NIPSNAP1: variants seen among roughly 807,000 people sequenced by gnomAD.
NIPSNAP1 encodes the protein protein NipSnap homolog 1.
A neutral mutation model predicts 49.2 loss-of-function variants in NIPSNAP1; 25 were observed. That is an observed-to-expected ratio of 0.51 (90% CI 0.37 to 0.71). The LOEUF is 0.71. NIPSNAP1 is among the 30% of genes least tolerant of loss of function. NIPSNAP1 has a pLI of 0.00. For missense variants in NIPSNAP1, 294 were observed against 361.0 expected (o/e 0.81, Z 1.50); for synonymous variants, 143 against 140.7 (o/e 1.02, Z -0.12).
At chr22:29,569,509 G>C (rs2064391558) in intron 3 of NIPSNAP1, among the ~76,000 whole-genome samples, 1 of 152,010 alleles carries the variant, frequency 6.6e-6, no homozygotes, top group Non-Finnish European at 1.5e-5. Flanking sequence ...GGGAGGCTGA[G>C]GCAGGAGGAT....
chr22:29,579,791 G>T, intron 1 of NIPSNAP1: 1 of 291,210 alleles, frequency 3.4e-6, no homozygotes, highest in South Asian at 3.4e-5. Flanking sequence ...CCATTTTACA[G>T]ATGAGGAACC....
At chr22:29,575,053 T>C (rs2064441537) in intron 1 of NIPSNAP1, among the ~76,000 whole-genome samples, 1 of 152,152 alleles carries the variant, frequency 6.6e-6, no homozygotes, top group South Asian at 2.1e-4. Context: ...CAGCGCTCTT[T>C]CCTTGAAAGC....
intron 4 of NIPSNAP1, among the ~76,000 whole-genome samples, chr22:29,563,829 G>A (rs2064352486): frequency 6.6e-6 from 1 of 152,172 alleles, no homozygotes; most frequent in Non-Finnish European, 1.5e-5. Flanking sequence ...AAGTCTACAA[G>A]CCAAGGAACA....
intron 4 of NIPSNAP1, among the ~76,000 whole-genome samples, chr22:29,562,711 G>A (rs2064344259): frequency 6.6e-6 from 1 of 152,110 alleles, no homozygotes; most frequent in Non-Finnish European, 1.5e-5. Flanking sequence ...GAGATTGACA[G>A]TAGATGCCCC....
At chr22:29,570,970 A>T (rs2064403830) in intron 1 of NIPSNAP1, among the ~76,000 whole-genome samples, 1 of 151,084 alleles carries the variant, frequency 6.6e-6, no homozygotes, top group East Asian at 2.0e-4. Context: ...TGTACACCTC[A>T]CTCTCCAGGT....
At chr22:29,574,958 G>A (rs6006194) in intron 1 of NIPSNAP1, among the ~76,000 whole-genome samples, 12 of 152,128 alleles carry the variant, frequency 7.9e-5, no homozygotes, top group African/African-American at 2.2e-4. Flanking sequence ...TCCCATTCTC[G>A]CGAGGATAAA....
At position 29,560,814 on chromosome 22, in the gene NIPSNAP1, T is replaced by C. The variant is rs781600107; in HGVS notation, c.626A>G (p.Lys209Arg). The C allele has an allele frequency of 3.7e-6, 6 of 1,613,974 alleles. No individual in the cohort carries two copies. The Admixed American group carries it at 6.7e-5, about 18-fold the overall frequency. The change falls in exon 8 of 10, where the codon AAG (lysine) becomes AGG (arginine). Residue 209 changes from lysine to arginine, a missense_variant. Physicochemically the swap from Lys to Arg is conservative, Grantham distance 26 (BLOSUM62 2). Coordinates refer to ENST00000216121, the MANE Select transcript of NIPSNAP1 (RefSeq NM_003634.4). ...TGCCTCCTGGTTCTCCTGCCGGTACTTGATGGCCCGAGCCCTGGAGAAGGC... is the reference window on the plus strand; with the variant it reads ...TGCCTCCTGGTTCTCCTGCCGGTACCTGATGGCCCGAGCCCTGGAGAAGGC... ...EWGNNWARAIKYRQENQEAVG... is the reference protein window; with the variant it reads ...EWGNNWARAIRYRQENQEAVG...
At position 29,569,190 on chromosome 22, in the gene NIPSNAP1, T is replaced by G; in HGVS notation, c.367+3A>C. On this transcript the variant is annotated splice_donor_region_variant and intron_variant, in intron 4 of 9. Coordinates refer to ENST00000216121, the MANE Select transcript of NIPSNAP1 (RefSeq NM_003634.4). ...AATGGCACTAGGGAGGTGAGCGCCT[T>G]ACCTGCCTGGTCCTGCTCCCCATAC... is the stretch of plus-strand genomic sequence containing the variant. The G allele has an allele frequency of 6.2e-7, 1 of 1,613,658 alleles. No individual in the cohort carries two copies. Among genetic ancestry groups the G allele is most frequent in the South Asian group, 1.1e-5 (1 of 91,026 alleles).
chr22:29,563,565 ATAT>A (rs2064350679), intron 4 of NIPSNAP1, among the ~76,000 whole-genome samples: 1 of 152,130 alleles, frequency 6.6e-6, no homozygotes, highest in Non-Finnish European at 1.5e-5. Flanking sequence ...AATAAAAATC[ATAT>A]TATCTGCACT....
intron 1 of NIPSNAP1, among the ~76,000 whole-genome samples, chr22:29,579,167 G>C (rs2064477664): frequency 1.3e-5 from 2 of 150,910 alleles, no homozygotes; most frequent in East Asian, 3.9e-4. Flanking sequence ...CTGTCTCCCG[G>C]GTTCAATTGA....
intron 4 of NIPSNAP1, among the ~76,000 whole-genome samples, chr22:29,562,155 T>C (rs2064340583): frequency 6.6e-6 from 1 of 152,056 alleles, no homozygotes; most frequent in African/African-American, 2.4e-5. Context: ...CACCCCACCT[T>C]CCTTAAATAG....
intron 1 of NIPSNAP1, among the ~76,000 whole-genome samples, chr22:29,574,261 C>CAA (rs1158442759): frequency 0.045 from 1,650 of 36,484 alleles, 319 homozygotes; most frequent in Non-Finnish European, 0.054. Context: ...TCCATCTTCA[C>CAA]AAAAAAAAAA....
chr22:29,561,797 TG>T lies in NIPSNAP1; in HGVS notation c.432del (p.Asn144LysfsTer44). 1 of 1,614,108 alleles carries T rather than the reference TG, an allele frequency of 6.2e-7. No homozygotes were observed. The highest frequency in any genetic ancestry group is 8.5e-7 in the Non-Finnish European group (1 of 1,180,022). On this transcript the variant is annotated frameshift_variant, in exon 5 of 10. Coordinates refer to ENST00000216121, the MANE Select transcript of NIPSNAP1 (RefSeq NM_003634.4). LOFTEE classifies it high-confidence loss of function. ...ALMDCMNKLK[N>X]NKEYLEFRRE... The stretch of plus-strand genomic sequence containing the variant: ...CTGAGTGGACACTAACATACCTTAT[TG>T]TTTTTGAGCTTGTTCATGCAGTCCA...
At position 29,576,570 on chromosome 22, in the gene NIPSNAP1, AGAG is replaced by A. The variant is rs1321611981; in HGVS notation, c.98+4412_98+4414del. Reference sequence around the variant, plus strand: ...AGTCCAAGTTTGAGAAATGAATGAAAGAGGAGCTAAGACATTCTTGCATGAAAA... The same window carrying A: ...AGTCCAAGTTTGAGAAATGAATGAAAGAGCTAAGACATTCTTGCATGAAAA... On this transcript the variant is annotated intron_variant, in intron 1 of 9. Transcript: ENST00000216121. 2.0e-5 allele frequency among the ~76,000 whole-genome samples: 3 copies of A among 151,302 alleles called. 1 individual carries two copies. Among genetic ancestry groups the A allele is most frequent in the African/African-American group, 4.9e-5 (2 of 40,616 alleles).
Position 29,570,542 on chromosome 22 carries a change from A to G in NIPSNAP1, c.99-10T>C. The stretch of plus-strand genomic sequence containing the variant: ...GTCCTTGGAATAGAAACTGCAGGAC[A>G]GAGGAGTTGAGGGGGACGCGCGGAG... On this transcript the variant is annotated splice_polypyrimidine_tract_variant and intron_variant, in intron 1 of 9. Coordinates refer to ENST00000216121, the MANE Select transcript of NIPSNAP1 (RefSeq NM_003634.4). 6.2e-7 allele frequency: 1 copy of G among 1,612,406 alleles called. No individual in the cohort carries two copies.
At chr22:29,578,767 C>T (rs1033257900) in intron 1 of NIPSNAP1, among the ~76,000 whole-genome samples, 1 of 151,288 alleles carries the variant, frequency 6.6e-6, no homozygotes, top group Non-Finnish European at 1.5e-5. Context: ...CTGAGGCTGA[C>T]GGAGGTTCAG....
In NIPSNAP1 at chr22:29,555,609, A is replaced by G; in HGVS notation, c.*326T>C. On this transcript the variant is annotated 3_prime_UTR_variant, in exon 10 of 10. Coordinates refer to ENST00000216121, the MANE Select transcript of NIPSNAP1 (RefSeq NM_003634.4). Reference sequence around the variant, plus strand: ...CAACTAAGCTAAACAGAGGATTTCCAAGGGTGATAACTGGGGACTGGTGGC... The same window carrying G: ...CAACTAAGCTAAACAGAGGATTTCCGAGGGTGATAACTGGGGACTGGTGGC... The G allele has an allele frequency of 2.8e-6, 1 of 353,398 alleles. No homozygotes were observed. Among genetic ancestry groups the G allele is most frequent in the Non-Finnish European group, 5.5e-6 (1 of 181,126 alleles). The allele number at this position is 353,398 out of a possible 1,614,324, so 21.9% of individuals were successfully genotyped here.
At chr22:29,574,261 C>CAAAAAAAAGAAA (rs2064432236) in intron 1 of NIPSNAP1, among the ~76,000 whole-genome samples, 1 of 36,692 alleles carries the variant, frequency 2.7e-5, no homozygotes, top group Admixed American at 4.4e-4. Flanking sequence ...TCCATCTTCA[C>CAAAAAAAAGAAA]AAAAAAAAAA....
chr22:29,574,886 T>C (rs1292118468), intron 1 of NIPSNAP1, among the ~76,000 whole-genome samples: 6 of 152,188 alleles, frequency 3.9e-5, no homozygotes, highest in Admixed American at 3.9e-4. Context: ...GTGATGTACT[T>C]TTCAGTTGCA....
Sources: gnomAD v4.1 joint callset for allele counts (sites outside exome capture counted in the v4.1 genomes callset) on GRCh38, gnomAD v4.1.1 for gene constraint, MANE v1.5 for transcripts, NCBI Gene and HGNC (gene_info 2026-07-23, HGNC 2026-07-21) for gene names.